DLGAP1: variants seen among roughly 807,000 people sequenced by gnomAD.
DLGAP1 encodes disks large-associated protein 1.
Under a neutral mutation model 90.8 loss-of-function variants are expected in DLGAP1, and 11 were observed. The observed-to-expected ratio is 0.12, with a 90% CI of 0.08 to 0.20. DLGAP1 has a LOEUF of 0.20. Among genes scored for constraint, DLGAP1 ranks in the 10% least tolerant of loss-of-function variants. The pLI, the probability that DLGAP1 is intolerant of heterozygous loss-of-function variation, is 1.00. For missense variants in DLGAP1, 1,050 were observed against 1,333.8 expected (o/e 0.79, Z 3.31); for synonymous variants, 558 against 540.7 (o/e 1.03, Z -0.44).
intron 2 of DLGAP1, among the ~76,000 whole-genome samples, chr18:4,134,247 C>T (rs1371474351): frequency 1.3e-5 from 2 of 152,064 alleles, no homozygotes; most frequent in East Asian, 1.9e-4. Context: ...CCAGCTAATT[C>T]CTTCTTCTCC....
intron 3 of DLGAP1, chr18:3,993,031 C>T (rs1418316286): frequency 6.6e-6 from 1 of 151,206 alleles, no homozygotes; most frequent in African/African-American, 2.4e-5. Flanking sequence ...AAAAAGATTA[C>T]AAAATAGCCT....
chr18:4,319,590 GA>G (rs978555569), intron 1 of DLGAP1, among the ~76,000 whole-genome samples: 5 of 152,140 alleles, frequency 3.3e-5, no homozygotes, highest in African/African-American at 1.2e-4. Flanking sequence ...AGTGGGTCCA[GA>G]AGATTTTCAT....
At chr18:4,192,555 AATTTT>A (rs892387673) in intron 1 of DLGAP1, among the ~76,000 whole-genome samples, 1 of 152,178 alleles carries the variant, frequency 6.6e-6, no homozygotes, top group African/African-American at 2.4e-5. Context: ...CGCCAAACAC[AATTTT>A]ATCAGCCTTT....
chr18:3,887,052 G>GA (rs1036295724), intron 3 of DLGAP1, among the ~76,000 whole-genome samples: 1 of 152,194 alleles, frequency 6.6e-6, no homozygotes, highest in African/African-American at 2.4e-5. Flanking sequence ...TTAGTCGAGA[G>GA]AAAAATAGAC....
intron 1 of DLGAP1, among the ~76,000 whole-genome samples, chr18:4,165,193 A>C (rs1169151569): frequency 6.6e-6 from 1 of 152,202 alleles, no homozygotes; most frequent in Non-Finnish European, 1.5e-5. Context: ...AATTAAACTG[A>C]AAAGAAAGGC....
chr18:4,409,634 C>T (rs1049108564), intron 1 of DLGAP1, among the ~76,000 whole-genome samples: 17 of 152,108 alleles, frequency 1.1e-4, no homozygotes, highest in African/African-American at 4.1e-4. Context: ...GATGGTATCG[C>T]ATTGTGGTTT....
At chr18:3,600,885 G>GAGATATAGATATATATAGAT (rs2056935070) in intron 7 of DLGAP1, among the ~76,000 whole-genome samples, 1 of 13,884 alleles carries the variant, frequency 7.2e-5, no homozygotes, top group African/African-American at 3.3e-4. Flanking sequence ...TATATAGATA[G>GAGATATAGATATATATAGAT]ATATATAGAT....
intron 7 of DLGAP1, among the ~76,000 whole-genome samples, chr18:3,659,189 A>G (rs566411335): frequency 1.2e-4 from 18 of 152,294 alleles, no homozygotes; most frequent in African/African-American, 4.3e-4. Context: ...ATGATACACA[A>G]AATTGTACAA....
intron 2 of DLGAP1, among the ~76,000 whole-genome samples, chr18:4,009,002 C>G (rs1330719570): frequency 6.6e-6 from 1 of 152,176 alleles, no homozygotes; most frequent in Non-Finnish European, 1.5e-5. Context: ...CTCCCGGGTT[C>G]ACGCCGTTCT....
intron 1 of DLGAP1, among the ~76,000 whole-genome samples, chr18:4,216,765 A>G (rs942169069): frequency 7.2e-5 from 11 of 152,096 alleles, no homozygotes; most frequent in African/African-American, 2.7e-4. Flanking sequence ...AGAAAAACTG[A>G]ATGAAAAGTA....
At chr18:4,089,143 T>C (rs1158326438) in intron 2 of DLGAP1, among the ~76,000 whole-genome samples, 1 of 148,206 alleles carries the variant, frequency 6.7e-6, no homozygotes, top group Non-Finnish European at 1.5e-5. Flanking sequence ...TCTCAAGCAT[T>C]CCTATACACC....
At chr18:4,225,520 A>G (rs928835545) in intron 1 of DLGAP1, among the ~76,000 whole-genome samples, 1 of 152,136 alleles carries the variant, frequency 6.6e-6, no homozygotes, top group African/African-American at 2.4e-5. Flanking sequence ...GAGAATTTAA[A>G]ATAGCTTTTT....
intron 8 of DLGAP1, among the ~76,000 whole-genome samples, chr18:3,569,510 G>T (rs2054641334): frequency 6.6e-6 from 1 of 151,912 alleles, no homozygotes; most frequent in Non-Finnish European, 1.5e-5. Flanking sequence ...TCATTGGAGA[G>T]AGTCTTAGGT....
intron 1 of DLGAP1, among the ~76,000 whole-genome samples, chr18:4,284,066 G>A (rs2079620898): frequency 6.6e-6 from 1 of 152,006 alleles, no homozygotes; most frequent in Non-Finnish European, 1.5e-5. Context: ...GTACTGAGGA[G>A]GTGGAGGGGG....
At chr18:3,816,362 A>G (rs1290392504) in intron 4 of DLGAP1, among the ~76,000 whole-genome samples, 3 of 152,238 alleles carry the variant, frequency 2.0e-5, no homozygotes, top group Non-Finnish European at 4.4e-5. Flanking sequence ...AGATTTCTAA[A>G]TATTATAGGT....
At chr18:3,756,277 C>T (rs1267893384) in intron 5 of DLGAP1, among the ~76,000 whole-genome samples, 1 of 152,068 alleles carries the variant, frequency 6.6e-6, no homozygotes, top group African/African-American at 2.4e-5. Flanking sequence ...TCTCGATCTC[C>T]TGACCTTGTG....
intron 1 of DLGAP1, among the ~76,000 whole-genome samples, chr18:4,240,956 T>C (rs1199015958): frequency 6.6e-6 from 1 of 152,218 alleles, no homozygotes; most frequent in Non-Finnish European, 1.5e-5. Flanking sequence ...CATGTCAGCA[T>C]TCATAGGCCT....
chr18:4,434,111 C>A (rs1476545953), intron 1 of DLGAP1, among the ~76,000 whole-genome samples: 1 of 152,068 alleles, frequency 6.6e-6, no homozygotes, highest in Non-Finnish European at 1.5e-5. Context: ...ACTTCTCCAA[C>A]CTGTTTTCTA....
At chr18:3,985,967 T>C (rs1189358281) in intron 3 of DLGAP1, among the ~76,000 whole-genome samples, 2 of 152,180 alleles carry the variant, frequency 1.3e-5, no homozygotes, top group Non-Finnish European at 2.9e-5. Context: ...CTAAACTCCA[T>C]GATGTAGCGG....
Sources: gnomAD v4.1 joint callset for allele counts (sites outside exome capture counted in the v4.1 genomes callset) on GRCh38, gnomAD v4.1.1 for gene constraint, MANE v1.5 for transcripts, NCBI Gene and HGNC (gene_info 2026-07-23, HGNC 2026-07-21) for gene names.